HSPA12A: variants seen among roughly 807,000 people sequenced by gnomAD.
HSPA12A encodes the protein heat shock 70 kDa protein 12A.
A neutral mutation model predicts 69.2 loss-of-function variants in HSPA12A; 28 were observed. The observed-to-expected ratio is 0.40, with a 90% CI of 0.30 to 0.55. The LOEUF is 0.55. HSPA12A is among the 20% of genes least tolerant of loss of function. The pLI is 0.38. For synonymous variants in HSPA12A, 345 were observed against 370.5 expected (o/e 0.93, Z 0.79); for missense variants, 686 against 900.7 (o/e 0.76, Z 3.05).
intron 3 of HSPA12A, among the ~76,000 whole-genome samples, chr10:116,703,609 C>T (rs1850144166): frequency 6.6e-6 from 1 of 152,128 alleles, no homozygotes; most frequent in South Asian, 2.1e-4. Flanking sequence ...TCCACAATTA[C>T]TCAGTTGAAG....
intron 2 of HSPA12A, among the ~76,000 whole-genome samples, chr10:116,757,955 A>G: frequency 6.6e-6 from 1 of 152,240 alleles, no homozygotes; most frequent in African/African-American, 2.4e-5. Flanking sequence ...GCACTAACAT[A>G]TCAATAGGAG....
rs887600592 is a variant in HSPA12A, at chr10:116,734,885, G to C, written c.40+7545C>G. 2.6e-5 allele frequency among the ~76,000 whole-genome samples: 4 copies of C among 152,072 alleles called. No individual in the cohort carries two copies. In the East Asian group the frequency reaches 5.8e-4, roughly 22 times the overall value. On this transcript the variant is annotated intron_variant, in intron 1 of 11. Transcript: ENST00000369209. ...TGGGCGAGTGTAGTCCCAGCTACTC[G>C]GGAGGCTGAGGCAGGAGACTGGCAT...
chr10:116,823,601 G>C (rs1448672655), intron 2 of HSPA12A, among the ~76,000 whole-genome samples: 1 of 152,184 alleles, frequency 6.6e-6, no homozygotes, highest in African/African-American at 2.4e-5. Context: ...ACCCTCACAT[G>C]TATAGTCAAT....
At chr10:116,689,525 C>G (rs1849673965) in intron 6 of HSPA12A, among the ~76,000 whole-genome samples, 1 of 152,146 alleles carries the variant, frequency 6.6e-6, no homozygotes, top group Non-Finnish European at 1.5e-5. Context: ...CTCGCAGAAG[C>G]TGCTAGGCTG....
intron 1 of HSPA12A, among the ~76,000 whole-genome samples, chr10:116,841,905 A>C (rs1336142737): frequency 6.6e-6 from 1 of 152,192 alleles, no homozygotes; most frequent in Non-Finnish European, 1.5e-5. Context: ...AATGACAAAA[A>C]AAAATTCTAC....
chr10:116,785,405 T>G (rs1405105187), intron 2 of HSPA12A, among the ~76,000 whole-genome samples: 1 of 152,102 alleles, frequency 6.6e-6, no homozygotes, highest in East Asian at 2.0e-4. Flanking sequence ...GATCAAGATG[T>G]GGGAGCTGAG....
chr10:116,834,887 T>C, intron 2 of HSPA12A: 1 of 1,077,820 alleles, frequency 9.3e-7, no homozygotes, highest in African/African-American at 1.6e-5. Flanking sequence ...CTGGGGCAGT[T>C]ATTTCAGATG....
chr10:116,781,899 C>A (rs1844472533), intron 2 of HSPA12A, among the ~76,000 whole-genome samples: 2 of 152,152 alleles, frequency 1.3e-5, no homozygotes, highest in African/African-American at 4.8e-5. Flanking sequence ...ATTCATTCTA[C>A]CAGGTTAAAA....
upstream of HSPA12A, chr10:116,742,594 C>A: frequency 1.8e-6 from 2 of 1,114,300 alleles, no homozygotes; most frequent in South Asian, 4.4e-5. Context: ...GAGCGCTGCT[C>A]TGACGCGGCA....
chr10:116,806,923 C>A (rs1340750055), intron 2 of HSPA12A, among the ~76,000 whole-genome samples: 1 of 152,146 alleles, frequency 6.6e-6, no homozygotes, highest in Non-Finnish European at 1.5e-5. Flanking sequence ...CCTGGGTTAC[C>A]CAGTTATAAA....
intron 2 of HSPA12A, among the ~76,000 whole-genome samples, chr10:116,772,860 G>T (rs758364): frequency 7.9e-5 from 12 of 151,198 alleles, no homozygotes; most frequent in Non-Finnish European, 1.3e-4. Flanking sequence ...ACATCTGGCT[G>T]ATTATTATTA....
chr10:116,775,254 A>C (rs1844309864), intron 2 of HSPA12A, among the ~76,000 whole-genome samples: 1 of 152,188 alleles, frequency 6.6e-6, no homozygotes, highest in Non-Finnish European at 1.5e-5. Flanking sequence ...TTACAGATGG[A>C]TGAATTGAGA....
At chr10:116,731,373 C>T (rs1851148262) in intron 1 of HSPA12A, among the ~76,000 whole-genome samples, 1 of 152,184 alleles carries the variant, frequency 6.6e-6, no homozygotes, top group Admixed American at 6.5e-5. Flanking sequence ...GAATGATGCA[C>T]CCCTTCTGCT....
In HSPA12A at chr10:116,750,278, G is replaced by A. The variant is rs146102124; in HGVS notation, c.92-42993C>T. 18 of 816,754 alleles carry A rather than the reference G, an allele frequency of 2.2e-5. No homozygotes were observed. In the African/African-American group the frequency reaches 2.5e-4, roughly 11 times the overall value. The allele number at this position is 816,754 out of a possible 1,614,324, so 50.6% of individuals were successfully genotyped here. ...CTATGAAGGCCAAGTGGAGGTGACTGGTGATGAATACAATGTAGAAAGCAC... is the reference window on the plus strand; with the variant it reads ...CTATGAAGGCCAAGTGGAGGTGACTAGTGATGAATACAATGTAGAAAGCAC... On this transcript the variant is annotated intron_variant, in intron 2 of 12. Coordinates refer to the HSPA12A transcript ENST00000635765.
chr10:116,713,010 A>G (rs1420168097), intron 1 of HSPA12A, among the ~76,000 whole-genome samples: 1 of 116,830 alleles, frequency 8.6e-6, no homozygotes, highest in East Asian at 2.9e-4. Context: ...ATATATATAT[A>G]TTTGCATTTC....
intron 5 of HSPA12A, among the ~76,000 whole-genome samples, chr10:116,696,603 T>G (rs3010475): frequency 0.54 from 81,856 of 151,884 alleles, 22,465 homozygotes; most frequent in Middle Eastern, 0.64. Flanking sequence ...TTAGCAGCAT[T>G]AGAACAGACT....
At chr10:116,836,458 A>G (rs1845712177) in intron 1 of HSPA12A, among the ~76,000 whole-genome samples, 1 of 152,144 alleles carries the variant, frequency 6.6e-6, no homozygotes, top group Admixed American at 6.5e-5. Flanking sequence ...CTCTTTAATG[A>G]TTTAACTAGA....
rs67575935 is a variant in HSPA12A at position 116,735,835 on chromosome 10, T to TA, written c.40+6594dup. Among the ~76,000 whole-genome samples the TA allele has an allele frequency of 6.6e-3, 899 of 137,006 alleles. 9 individuals are homozygous for TA. The highest frequency in any genetic ancestry group is 0.021 in the African/African-American group (770 of 37,016). The allele number at this position is 137,006 out of a possible 152,430, so 89.9% of individuals were successfully genotyped here. ...AACATAGTGAGACCTTGTCCCTATT[T>TA]AAAAAAAAAAAAAAAGCCAGGCATG... On this transcript the variant is annotated intron_variant, in intron 1 of 11. Coordinates refer to ENST00000369209, the MANE Select transcript of HSPA12A (RefSeq NM_025015.3).
At chr10:116,750,851 T>C (rs553857266) in intron 2 of HSPA12A, among the ~76,000 whole-genome samples, 1 of 152,178 alleles carries the variant, frequency 6.6e-6, no homozygotes, top group Non-Finnish European at 1.5e-5. Context: ...TGTGTGCCTG[T>C]CATCCCAGCT....
Sources: allele counts gnomAD v4.1 joint callset (sites outside exome capture counted in the v4.1 genomes callset), GRCh38; gene constraint gnomAD v4.1.1; transcripts MANE v1.5; gene names NCBI Gene and HGNC (gene_info 2026-07-23, HGNC 2026-07-21).